HLCS: variants seen among roughly 807,000 people sequenced by gnomAD.
HLCS encodes the protein holocarboxylase synthetase.
Under a neutral mutation model 75.0 loss-of-function variants are expected in HLCS, and 53 were observed. That is an observed-to-expected ratio of 0.71 (90% CI 0.57 to 0.89). The LOEUF (loss-of-function observed/expected upper bound fraction) is 0.89, where lower values mean the gene tolerates loss of function less well. Ranked by LOEUF, HLCS falls within the 40% of genes least tolerant of loss-of-function variation. The probability of loss-of-function intolerance (pLI) is 0.00; values close to 1 mark genes in which losing one functional copy is unlikely to be tolerated. For synonymous variants in HLCS, 431 were observed against 428.6 expected (o/e 1.01, Z -0.07); for missense variants, 966 against 1,074.0 (o/e 0.90, Z 1.41).
In HLCS at chr21:36,790,261, G is replaced by A. The variant is rs570998064; in HGVS notation, c.1893-22976C>T. Reference sequence around the variant, plus strand: ...TCTACTAAAAATACAAAAATTAGCTGGGTGTGGTGGGGTGCACCTGTAATC... The same window carrying A: ...TCTACTAAAAATACAAAAATTAGCTAGGTGTGGTGGGGTGCACCTGTAATC... On this transcript the variant is annotated intron_variant, in intron 6 of 10. Coordinates refer to ENST00000674895, the MANE Select transcript of HLCS (RefSeq NM_001352514.2). 2.6e-5 allele frequency among the ~76,000 whole-genome samples: 4 copies of A among 152,196 alleles called. No individual in the cohort carries two copies. In the South Asian group the frequency reaches 8.3e-4, roughly 32 times the overall value.
chr21:36,790,541 C>CATTCAG (rs1223305042), intron 6 of HLCS, among the ~76,000 whole-genome samples: 1 of 152,238 alleles, frequency 6.6e-6, no homozygotes, highest in African/African-American at 2.4e-5. Flanking sequence ...CTTGGCTCTT[C>CATTCAG]ATTCAGATTG....
At chr21:36,818,167 A>G (rs2145988553) in intron 6 of HLCS, among the ~76,000 whole-genome samples, 1 of 152,320 alleles carries the variant, frequency 6.6e-6, no homozygotes, top group African/African-American at 2.4e-5. Context: ...CAATAAAGGG[A>G]AAAAAGTCGG....
At chr21:36,764,070 C>G (rs995073256) in intron 8 of HLCS, among the ~76,000 whole-genome samples, 1 of 152,230 alleles carries the variant, frequency 6.6e-6, no homozygotes, top group Non-Finnish European at 1.5e-5. Flanking sequence ...TCAATCCAGT[C>G]CAACAATCAA....
chr21:36,949,420 G>A (rs1331028883), intron 2 of HLCS, among the ~76,000 whole-genome samples: 1 of 151,924 alleles, frequency 6.6e-6, no homozygotes, highest in Admixed American at 6.6e-5. Context: ...TCTCGCCACA[G>A]GGCAGCTTGA....
chr21:36,851,596 A>C (rs572154426), intron 6 of HLCS, among the ~76,000 whole-genome samples: 1 of 152,322 alleles, frequency 6.6e-6, no homozygotes, highest in Non-Finnish European at 1.5e-5. Flanking sequence ...AATGGAAAAA[A>C]CCTAATATTT....
intron 6 of HLCS, among the ~76,000 whole-genome samples, chr21:36,838,723 A>G (rs1244501142): frequency 6.8e-6 from 1 of 148,034 alleles, no homozygotes; most frequent in African/African-American, 2.5e-5. Flanking sequence ...AAAAAAAAAA[A>G]GAGAGAGACA....
intron 1 of HLCS, chr21:36,974,556 G>C (rs1338311410): frequency 6.6e-6 from 1 of 152,188 alleles, no homozygotes; most frequent in Non-Finnish European, 1.5e-5. Context: ...TCAGGAGACA[G>C]GTACTTTAAA....
intron 6 of HLCS, among the ~76,000 whole-genome samples, chr21:36,784,339 C>CA (rs2060625163): frequency 2.2e-5 from 3 of 135,312 alleles, no homozygotes; most frequent in Non-Finnish European, 3.1e-5. Context: ...TTTAATGAGA[C>CA]AGAGTCTTGC....
rs1301969975 is a variant in HLCS at position 36,752,354 on chromosome 21, TC to T, written c.*1891del. On this transcript the variant is annotated 3_prime_UTR_variant, in exon 11 of 11. Coordinates refer to ENST00000674895, the MANE Select transcript of HLCS (RefSeq NM_001352514.2). Reference sequence around the variant, plus strand: ...AAAGCAGAGTGTCCAGAATAGGACTTCAGCTTAAAACAAAACATAGCATGTT... The same window carrying T: ...AAAGCAGAGTGTCCAGAATAGGACTTAGCTTAAAACAAAACATAGCATGTT... 2.0e-5 allele frequency: 3 copies of T among 152,596 alleles called. No individual in the cohort carries two copies. The highest frequency in any genetic ancestry group is 6.5e-5 in the Admixed American group (1 of 15,276). 9.5% of individuals were successfully genotyped at this position (152,596 alleles called of 1,614,324 possible). A position where few individuals can be genotyped will look rare whatever the true frequency, so the allele number is the denominator to read the frequency against.
chr21:36,767,109 C>T, intron 7 of HLCS, 109 bp downstream of exon 7: 1 of 1,061,566 alleles, frequency 9.4e-7, no homozygotes, highest in Non-Finnish European at 1.5e-6. Context: ...AATCTACTAA[C>T]TTGAGTCCCC....
Position 36,966,425 on chromosome 21 carries a change from G to GCGCCCC in HLCS, c.195+18_195+19insGGGGCG. 3 of 195,440 alleles carry GCGCCCC rather than the reference G, an allele frequency of 1.5e-5. No homozygotes were observed. Among genetic ancestry groups the GCGCCCC allele is most frequent in the African/African-American group, 2.6e-5 (1 of 38,512 alleles). The allele number at this position is 195,440 out of a possible 1,614,324, so 12.1% of individuals were successfully genotyped here. ...CCGGCTCGCGGGGCCCGGGTCGCCCGCCCGCCCGACCCGCCCACCTGGCTG... is the reference window on the plus strand; with the variant it reads ...CCGGCTCGCGGGGCCCGGGTCGCCCGCGCCCCCCCGCCCGACCCGCCCACCTGGCTG... On this transcript the variant is annotated intron_variant, in intron 1 of 10. Coordinates refer to ENST00000674895, the MANE Select transcript of HLCS (RefSeq NM_001352514.2).
chr21:36,980,026 CAAAAAAAAAAAAAA>C (rs71198844), intron 1 of HLCS, among the ~76,000 whole-genome samples: 8 of 55,124 alleles, frequency 1.5e-4, no homozygotes, highest in Non-Finnish European at 2.5e-4. Context: ...GTCCCCATCT[CAAAAAAAAAAAAAA>C]AAAAAAAAAA....
chr21:36,927,489 T>C (rs2146480570), intron 5 of HLCS, among the ~76,000 whole-genome samples: 1 of 152,336 alleles, frequency 6.6e-6, no homozygotes, highest in South Asian at 2.1e-4. Context: ...AAAGAGCAAG[T>C]GTCAAGGCAC....
chr21:36,820,259 C>G (rs1024190943), intron 6 of HLCS, among the ~76,000 whole-genome samples: 13 of 152,364 alleles, frequency 8.5e-5, no homozygotes, highest in Middle Eastern at 3.4e-3. Context: ...GTTGAGGCTG[C>G]ACCTCTACAG....
At chr21:36,930,492 A>T in intron 4 of HLCS, 59 bp from the exon 5 acceptor site, 1 of 1,374,618 alleles carries the variant, frequency 7.3e-7, no homozygotes, top group South Asian at 1.3e-5. Context: ...TGAGAAAAAC[A>T]GTTTCTTTTT....
At chr21:36,914,455 T>C (rs1330293363) in intron 5 of HLCS, among the ~76,000 whole-genome samples, 4 of 152,182 alleles carry the variant, frequency 2.6e-5, no homozygotes, top group Admixed American at 2.6e-4. Context: ...ACTCAATAAA[T>C]GTCTGTTAAG....
At chr21:36,797,848 G>A (rs1183463079) in intron 6 of HLCS, among the ~76,000 whole-genome samples, 1 of 152,196 alleles carries the variant, frequency 6.6e-6, no homozygotes, top group African/African-American at 2.4e-5. Flanking sequence ...CTGGTTTATT[G>A]AGCATTTACT....
intron 6 of HLCS, among the ~76,000 whole-genome samples, chr21:36,817,555 G>A (rs1191208576): frequency 1.3e-5 from 2 of 152,006 alleles, no homozygotes; most frequent in African/African-American, 2.4e-5. Context: ...CTGCTCCTCC[G>A]CCTGCTTCTT....
At position 36,983,339 on chromosome 21, in the gene HLCS, T is replaced by C. The variant is rs539834923; in HGVS notation, c.-393+6819A>G. On this transcript the variant is annotated intron_variant, in intron 1 of 11. Transcript: ENST00000336648. Reference sequence around the variant, plus strand: ...GATTCTCCTGCCTCAGCCTCCGAAGTAGCTAGGACTACAGGTGCCCACCAC... The same window carrying C: ...GATTCTCCTGCCTCAGCCTCCGAAGCAGCTAGGACTACAGGTGCCCACCAC... 4.0e-5 allele frequency among the ~76,000 whole-genome samples: 6 copies of C among 151,890 alleles called. No individual in the cohort carries two copies. The South Asian group carries it at 1.2e-3, about 32-fold the overall frequency.
Sources: gnomAD v4.1 joint callset for allele counts (sites outside exome capture counted in the v4.1 genomes callset) on GRCh38, gnomAD v4.1.1 for gene constraint, MANE v1.5 for transcripts, NCBI Gene and HGNC (gene_info 2026-07-23, HGNC 2026-07-21) for gene names.